Variants in KPNA6 observed in about 807,000 individuals in gnomAD.
KPNA6 encodes the protein karyopherin subunit alpha 6, also known as importin subunit alpha-7.
In KPNA6, 9 loss-of-function variants were observed where a neutral mutation model predicts 72.0. The observed-to-expected ratio is 0.13, with a 90% confidence interval of 0.08 to 0.22. KPNA6 has a LOEUF of 0.22. KPNA6 is among the 10% of genes least tolerant of loss of function. The pLI, the probability that KPNA6 is intolerant of heterozygous loss-of-function variation, is 1.00. For synonymous variants in KPNA6, 219 were observed against 242.1 expected (o/e 0.90, Z 0.89); for missense variants, 374 against 655.7 (o/e 0.57, Z 4.69).
chr1:32,133,812 G>T (rs1641684182), intron 1 of KPNA6, among the ~76,000 whole-genome samples: 2 of 152,202 alleles, frequency 1.3e-5, no homozygotes, highest in African/African-American at 4.8e-5. Context: ...GGCCGAGGCA[G>T]GCGGATCACT....
intron 1 of KPNA6, among the ~76,000 whole-genome samples, chr1:32,112,484 C>G (rs1201385606): frequency 6.6e-6 from 1 of 151,954 alleles, no homozygotes; most frequent in African/African-American, 2.4e-5. Context: ...AAAAGTACCT[C>G]TTTTATTTAT....
chr1:32,143,074 ACT>A (rs536953359), intron 1 of KPNA6: 5 of 1,061,192 alleles, frequency 4.7e-6, no homozygotes, highest in Non-Finnish European at 6.4e-6. Context: ...TCTGTTGTCT[ACT>A]CTGTTAGTCT....
In KPNA6 at chr1:32,158,254, C is replaced by G. The variant is rs372371161; in HGVS notation, c.332-13C>G. ...TTCTCCTGTGTTTTTATTTTCCCTT[C>G]TCCCTTATCCAGAGCCTAGTCCTCC... is the stretch of plus-strand genomic sequence containing the variant. On this transcript the variant is annotated splice_polypyrimidine_tract_variant and intron_variant, in intron 4 of 13. Transcript: ENST00000373625. The G allele has an allele frequency of 1.4e-5, 22 of 1,578,396 alleles. No homozygotes were observed. The African/African-American group carries it at 3.0e-4, about 21-fold the overall frequency.
intron 2 of KPNA6, among the ~76,000 whole-genome samples, chr1:32,155,580 C>T (rs1410997491): frequency 6.6e-6 from 1 of 152,130 alleles, no homozygotes; most frequent in Non-Finnish European, 1.5e-5. Flanking sequence ...ATCTGCCCGC[C>T]TCAGCCTCCC....
chr1:32,169,071 C>T (rs954376341), intron 12 of KPNA6, among the ~76,000 whole-genome samples: 2 of 151,984 alleles, frequency 1.3e-5, no homozygotes, highest in Non-Finnish European at 2.9e-5. Context: ...AAAGGATAAG[C>T]GGTTATCAAG....
intron 2 of KPNA6, among the ~76,000 whole-genome samples, chr1:32,156,404 C>G (rs1019951662): frequency 3.3e-5 from 5 of 152,204 alleles, no homozygotes; most frequent in Non-Finnish European, 7.3e-5. Flanking sequence ...CATCACTACT[C>G]TTGCACTTTG....
intron 12 of KPNA6, among the ~76,000 whole-genome samples, chr1:32,168,781 T>C (rs1642382264): frequency 6.6e-6 from 1 of 152,164 alleles, no homozygotes; most frequent in Non-Finnish European, 1.5e-5. Flanking sequence ...GAGGCAGAGC[T>C]AGAAAGGAAC....
At chr1:32,122,287 G>A (rs1342760067) in intron 1 of KPNA6, among the ~76,000 whole-genome samples, 2 of 149,976 alleles carry the variant, frequency 1.3e-5, no homozygotes, top group Non-Finnish European at 3.0e-5. Context: ...AAAACAAAAT[G>A]TGAAACAAAA....
chr1:32,119,689 T>C (rs1479993024), intron 1 of KPNA6, among the ~76,000 whole-genome samples: 1 of 152,140 alleles, frequency 6.6e-6, no homozygotes, highest in Non-Finnish European at 1.5e-5. Context: ...TCTAGTGTTG[T>C]TGATTTCGCA....
In KPNA6 at chr1:32,141,420, C is replaced by T. The variant is rs146969098; in HGVS notation, c.5-13168C>T. Among the ~76,000 whole-genome samples, 334 of 50,750 alleles carry T rather than the reference C, an allele frequency of 6.6e-3. 4 individuals are homozygous for T. The highest frequency in any genetic ancestry group is 0.022 in the African/African-American group (313 of 14,332). 33.3% of individuals were successfully genotyped at this position (50,750 alleles called of 152,430 possible). A position where few individuals can be genotyped will look rare whatever the true frequency, so the allele number is the denominator to read the frequency against. Reference sequence around the variant, plus strand: ...TTTTTTTTTTTTTTTTTTTTTGAGACGGAGTCTCACACTGTCACCCAGGCT... The same window carrying T: ...TTTTTTTTTTTTTTTTTTTTTGAGATGGAGTCTCACACTGTCACCCAGGCT... On this transcript the variant is annotated intron_variant, in intron 1 of 13. Transcript: ENST00000373625.
chr1:32,160,463 T>A, intron 6 of KPNA6, 152 bp from the exon 7 acceptor site: 1 of 635,172 alleles, frequency 1.6e-6, no homozygotes, highest in South Asian at 1.8e-5. Flanking sequence ...TCAGTAAGAA[T>A]TTCAATAGGG....
At chr1:32,131,605 TAC>T (rs753343778) in intron 1 of KPNA6, among the ~76,000 whole-genome samples, 5 of 151,656 alleles carry the variant, frequency 3.3e-5, no homozygotes, top group East Asian at 1.9e-4. Context: ...CTTAAGTCTA[TAC>T]ACACACATAT....
chr1:32,156,710 G>C (rs1476489066), intron 2 of KPNA6, 143 bp from the exon 3 acceptor site: 1 of 581,796 alleles, frequency 1.7e-6, no homozygotes, highest in Non-Finnish European at 3.0e-6. Flanking sequence ...AACTGAATAA[G>C]GGGAGACTAA....
chr1:32,160,318 A>T (rs1642214867), intron 6 of KPNA6, among the ~76,000 whole-genome samples: 2 of 151,982 alleles, frequency 1.3e-5, no homozygotes, highest in African/African-American at 4.8e-5. Context: ...AAAAAAAAAA[A>T]AATGCAACTT....
chr1:32,122,230 TATC>T (rs1304034445), intron 1 of KPNA6, among the ~76,000 whole-genome samples: 4 of 151,956 alleles, frequency 2.6e-5, no homozygotes, highest in Non-Finnish European at 4.4e-5. Flanking sequence ...GCCGAGATCA[TATC>T]ATTGCACTCC....
chr1:32,142,783 G>A (rs1641861841), intron 1 of KPNA6: 8 of 340,976 alleles, frequency 2.3e-5, no homozygotes, highest in South Asian at 1.9e-4. Flanking sequence ...GGAAAAAGCC[G>A]CTGGCGTGCT....
intron 1 of KPNA6, among the ~76,000 whole-genome samples, chr1:32,130,219 A>C (rs1191228229): frequency 7.1e-6 from 1 of 140,992 alleles, no homozygotes; most frequent in African/African-American, 2.6e-5. Context: ...TTAGTAGATA[A>C]ATATTTTTTT....
intron 1 of KPNA6, among the ~76,000 whole-genome samples, chr1:32,140,593 T>C (rs1219427785): frequency 6.6e-6 from 1 of 152,180 alleles, no homozygotes; most frequent in African/African-American, 2.4e-5. Flanking sequence ...TATCAAACTT[T>C]TAGTGTTTAA....
intron 1 of KPNA6, among the ~76,000 whole-genome samples, chr1:32,142,040 G>A (rs535010949): frequency 3.9e-5 from 6 of 152,056 alleles, no homozygotes; most frequent in East Asian, 3.9e-4. Flanking sequence ...AAGCCAAGGC[G>A]GGCGGATCAC....
Sources: allele counts gnomAD v4.1 joint callset (sites outside exome capture counted in the v4.1 genomes callset), GRCh38; gene constraint gnomAD v4.1.1; transcripts MANE v1.5; gene names NCBI Gene and HGNC (gene_info 2026-07-23, HGNC 2026-07-21).